Variants in DNAJC21 observed in about 807,000 individuals in gnomAD.
The protein encoded by DNAJC21 is dnaJ homolog subfamily C member 21.
Under a neutral mutation model 72.4 loss-of-function variants are expected in DNAJC21, and 63 were observed. The observed-to-expected ratio is 0.87, with a 90% CI of 0.71 to 1.07. The LOEUF is 1.07. Ranked by LOEUF, DNAJC21 falls within the 50% of genes least tolerant of loss-of-function variation. The pLI, the probability that DNAJC21 is intolerant of heterozygous loss-of-function variation, is 0.00. For synonymous variants in DNAJC21, 203 were observed against 216.7 expected (o/e 0.94, Z 0.56); for missense variants, 634 against 644.8 (o/e 0.98, Z 0.18).
chr5:34,938,873 C>G lies in DNAJC21; in HGVS notation c.759C>G (p.Tyr253Ter). The G allele has an allele frequency of 6.2e-7, 1 of 1,613,802 alleles. No homozygotes were observed. Among genetic ancestry groups the G allele is most frequent in the South Asian group, 1.1e-5 (1 of 91,036 alleles). The change falls in exon 6 of 12, where the codon TAC becomes TAG. Residue 253 changes from tyrosine to a stop codon, truncating the protein, a stop_gained. Transcript: ENST00000648817. LOFTEE classifies it high-confidence loss of function. ...KLKQAKLVEQYREQSWMTMAN... is the reference protein window; with the variant it reads ...KLKQAKLVEQ ...ATGTGTCTAGACTGGTGGAGCAGTA[C>G]AGAGAACAGAGCTGGATGACTATGG...
chr5:34,953,669 C>G, intron 10 of DNAJC21: 2 of 361,134 alleles, frequency 5.5e-6, no homozygotes, highest in Non-Finnish European at 9.9e-6. Context: ...TTTTAAGGAC[C>G]TTGTTTTAAC....
At chr5:34,950,853 A>G (rs1580540855) in intron 10 of DNAJC21, 2 of 985,730 alleles carry the variant, frequency 2.0e-6, no homozygotes, top group African/African-American at 1.7e-5. Flanking sequence ...GTCTCACCCA[A>G]GGGAGGTAGC....
chr5:34,941,303 T>G, intron 7 of DNAJC21, 120 bp downstream of exon 7: 1 of 854,904 alleles, frequency 1.2e-6, no homozygotes, highest in Non-Finnish European at 1.9e-6. Context: ...ACTCAGATGA[T>G]CCTCCCATGT....
chr5:34,938,259 C>T (rs1424523200), intron 5 of DNAJC21, among the ~76,000 whole-genome samples: 1 of 152,216 alleles, frequency 6.6e-6, no homozygotes, highest in Non-Finnish European at 1.5e-5. Flanking sequence ...CACAGCAATG[C>T]TGTGAAGTAC....
At chr5:34,949,540 T>C (rs1183891044) in intron 9 of DNAJC21, 2 of 1,553,672 alleles carry the variant, frequency 1.3e-6, no homozygotes, top group Non-Finnish European at 1.7e-6. Context: ...TTTTGATTCT[T>C]AGGATGTACC....
chr5:34,948,845 AC>A (rs1765257148), intron 9 of DNAJC21, among the ~76,000 whole-genome samples: 1 of 152,076 alleles, frequency 6.6e-6, no homozygotes, highest in Non-Finnish European at 1.5e-5. Context: ...AGCCTGGGCA[AC>A]AGAGCAAGAC....
intron 1 of DNAJC21, among the ~76,000 whole-genome samples, chr5:34,932,361 C>T (rs1434394629): frequency 6.8e-6 from 1 of 146,212 alleles, no homozygotes; most frequent in Non-Finnish European, 1.5e-5. Context: ...GCAGAGGTTG[C>T]AGTGAGCCAA....
At position 34,937,345 on chromosome 5, in the gene DNAJC21, C is replaced by T; in HGVS notation, c.458C>T (p.Ala153Val). Residue 153 changes from alanine to valine, a missense_variant, in exon 5 of 12, where the codon GCT becomes GTT. Coordinates refer to ENST00000648817, the MANE Select transcript of DNAJC21 (RefSeq NM_001012339.3). ...CACTAGGTAGTCCATCCTTTCTACG[C>T]TTATTGGCAGAGTTTCTGCACTCAA... ...DYDTVVHPFY[A>V]YWQSFCTQKN... The T allele has an allele frequency of 6.2e-7, 1 of 1,612,594 alleles. No homozygotes were observed. Among genetic ancestry groups the T allele is most frequent in the East Asian group, 2.2e-5 (1 of 44,880 alleles).
At chr5:34,937,886 C>A (rs1764847276) in intron 5 of DNAJC21, among the ~76,000 whole-genome samples, 1 of 152,104 alleles carries the variant, frequency 6.6e-6, no homozygotes, top group Non-Finnish European at 1.5e-5. Context: ...ACCTCCGCCT[C>A]CAGGTTCAAG....
At chr5:34,950,528 T>TAG (rs1437143779) in intron 10 of DNAJC21, 186 bp downstream of exon 10, 20 of 1,246,278 alleles carry the variant, frequency 1.6e-5, no homozygotes, top group Non-Finnish European at 2.0e-5. Flanking sequence ...AAGAGGATGC[T>TAG]AGAGGAATGT....
rs1204177867 is a variant in DNAJC21 at position 34,954,720 on chromosome 5, C to T, written c.*6C>T. On this transcript the variant is annotated 3_prime_UTR_variant, in exon 12 of 12. Coordinates refer to ENST00000648817, the MANE Select transcript of DNAJC21 (RefSeq NM_001012339.3). ...AGAAACGTAAAAACAGATAGAGATT[C>T]TGCCTGTGCTTTTGTTTGACTGTCT... The T allele has an allele frequency of 1.3e-6, 2 of 1,569,100 alleles. No homozygotes were observed. Among genetic ancestry groups the T allele is most frequent in the South Asian group, 2.4e-5 (2 of 83,362 alleles).
At chr5:34,948,487 T>G (rs1307322339) in intron 9 of DNAJC21, among the ~76,000 whole-genome samples, 1 of 152,168 alleles carries the variant, frequency 6.6e-6, no homozygotes, top group Non-Finnish European at 1.5e-5. Context: ...AGGGAAAACT[T>G]GAGTCATCAA....
rs1765558158 is a variant in DNAJC21, at chr5:34,957,045, G to A, written c.*2331G>A. The A allele has an allele frequency of 6.6e-6, 1 of 152,086 alleles. No individual in the cohort carries two copies. Among genetic ancestry groups the A allele is most frequent in the South Asian group, 2.1e-4 (1 of 4,812 alleles). 9.4% of individuals were successfully genotyped at this position (152,086 alleles called of 1,614,324 possible). On this transcript the variant is annotated 3_prime_UTR_variant, in exon 12 of 12. Transcript: ENST00000648817. ...TATATATTTGCAGACTATACATGTT[G>A]GATTAAATGGGCAATTAAGTTTTAT...
intron 3 of DNAJC21, among the ~76,000 whole-genome samples, 154 bp downstream of exon 3, chr5:34,935,987 G>T (rs1764758170): frequency 6.6e-6 from 1 of 152,224 alleles, no homozygotes; most frequent in African/African-American, 2.4e-5. Context: ...AGCTGTCAGT[G>T]TATAAAAACC....
At chr5:34,935,878 T>C (rs1424714445) in intron 3 of DNAJC21, 45 bp downstream of exon 3, 2 of 1,610,258 alleles carry the variant, frequency 1.2e-6, no homozygotes, top group Middle Eastern at 1.7e-4. Flanking sequence ...AAGTACTTCA[T>C]TAAGACTCAC....
intron 9 of DNAJC21, chr5:34,949,609 G>A (rs1765288860): frequency 6.3e-7 from 1 of 1,596,772 alleles, no homozygotes; most frequent in Admixed American, 1.7e-5. Context: ...AAAAAAGTGT[G>A]TGTTGGGAGA....
intron 2 of DNAJC21, 57 bp downstream of exon 2, chr5:34,933,965 T>C: frequency 1.3e-6 from 2 of 1,504,778 alleles, no homozygotes; most frequent in Non-Finnish European, 1.8e-6. Context: ...CAGTTATCAA[T>C]ATAGGTGGTT....
chr5:34,937,773 A>G lies in DNAJC21; in HGVS notation c.743+143A>G, dbSNP rs1303741333. ...CTTCTTTTTTAAATTGTGGCATTGGATAGTGTTTTTTCATCTACTGTGTAA... is the reference window on the plus strand; with the variant it reads ...CTTCTTTTTTAAATTGTGGCATTGGGTAGTGTTTTTTCATCTACTGTGTAA... On this transcript the variant is annotated intron_variant, in intron 5 of 11. Coordinates refer to ENST00000648817, the MANE Select transcript of DNAJC21 (RefSeq NM_001012339.3). The G allele has an allele frequency of 9.6e-6, 10 of 1,038,630 alleles. No homozygotes were observed. The South Asian group carries it at 1.3e-4, about 13-fold the overall frequency. 64.3% of individuals were successfully genotyped at this position (1,038,630 alleles called of 1,614,324 possible).
chr5:34,930,236 C>G, intron 1 of DNAJC21: 1 of 185,640 alleles, frequency 5.4e-6, no homozygotes, highest in Non-Finnish European at 1.1e-5. Context: ...AGGGAGCAGT[C>G]GGGAACTCGG....
Sources: gnomAD v4.1 joint callset for allele counts (sites outside exome capture counted in the v4.1 genomes callset) on GRCh38, gnomAD v4.1.1 for gene constraint, MANE v1.5 for transcripts, NCBI Gene and HGNC (gene_info 2026-07-23, HGNC 2026-07-21) for gene names.